Variants in IGFBP5 observed in about 807,000 individuals in gnomAD.
IGFBP5 encodes insulin-like growth factor-binding protein 5.
A neutral mutation model predicts 28.0 loss-of-function variants in IGFBP5; 12 were observed. That is an observed-to-expected ratio of 0.43 (90% CI 0.27 to 0.69). The LOEUF (loss-of-function observed/expected upper bound fraction) is 0.69, where lower values mean the gene tolerates loss of function less well. IGFBP5 is among the 30% of genes least tolerant of loss of function. The pLI is 0.20. For missense variants in IGFBP5, 344 were observed against 381.6 expected, an observed-to-expected ratio of 0.90 and a Z score of 0.82; for synonymous variants, 152 against 150.2, an observed-to-expected ratio of 1.01 and a Z score of -0.09.
chr2:216,683,093 T>C (rs1451756490), intron 1 of IGFBP5, among the ~76,000 whole-genome samples: 2 of 151,682 alleles, frequency 1.3e-5, no homozygotes, highest in Non-Finnish European at 2.9e-5. Context: ...CCAAGGTGAG[T>C]GGATTGCCTG....
At chr2:216,688,586 G>A (rs1022325690) in intron 1 of IGFBP5, among the ~76,000 whole-genome samples, 1 of 152,152 alleles carries the variant, frequency 6.6e-6, no homozygotes, top group African/African-American at 2.4e-5. Flanking sequence ...TGGCTGAGGT[G>A]ACAGAGGGGT....
intron 1 of IGFBP5, among the ~76,000 whole-genome samples, chr2:216,680,503 G>T (rs1191651565): frequency 6.6e-6 from 1 of 152,198 alleles, no homozygotes; most frequent in Non-Finnish European, 1.5e-5. Flanking sequence ...GCAAGTTCCA[G>T]GTGTGAGTTA....
rs2241198 is a variant in IGFBP5, at chr2:216,674,345, G to T, written c.*2406C>A. The T allele has an allele frequency of 0.059, 9,009 of 153,442 alleles. 376 individuals carry two copies. Among genetic ancestry groups the T allele is most frequent in the African/African-American group, 0.11 (4,428 of 41,522 alleles). The allele number at this position is 153,442 out of a possible 1,614,324, so 9.5% of individuals were successfully genotyped here. ...GGGCATGCTGACTCGGCAGGTCAAG[G>T]CCTTGTGGCTGCTGGCCCTATCGGG... On this transcript the variant is annotated 3_prime_UTR_variant, in exon 4 of 4. Coordinates refer to ENST00000233813, the MANE Select transcript of IGFBP5 (RefSeq NM_000599.4). This position sits in a 1 kb window ranked among gnomAD's most constrained non-coding sequence, Gnocchi z 4.4.
At chr2:216,676,959 T>C in intron 3 of IGFBP5, 77 bp from the exon 4 acceptor site, 1 of 1,522,140 alleles carries the variant, frequency 6.6e-7, no homozygotes, top group South Asian at 1.2e-5. Context: ...GCCTCTTGTC[T>C]ACCCCAAGGC....
rs746424394 is a variant in IGFBP5 at position 216,679,012 on chromosome 2, C to G, written c.405G>C (p.Lys135Asn). Residue 135 changes from lysine to asparagine, a missense_variant, in exon 2 of 4, where the codon AAG becomes AAC. By Grantham distance (94) the Lys-to-Asn change is moderately conservative. Around this residue, in one of 3 missense-constraint regions of IGFBP5, gnomAD observed 304 missense variants for 329.2 expected, o/e 0.92. Coordinates refer to ENST00000233813, the MANE Select transcript of IGFBP5 (RefSeq NM_000599.4). The surrounding 1 kb of genome is among the most constrained non-coding windows in gnomAD (Gnocchi z 4.6). ...SEMAEETYSP[K>N]IFRPKHTRIS... ...TGCGGGTGTGTTTGGGCCGGAAGAT[C>G]TTGGGGGAGTAGGTCTCCTCGGCCA... is the stretch of plus-strand genomic sequence containing the variant. The G allele has an allele frequency of 6.2e-7, 1 of 1,613,984 alleles. No individual in the cohort carries two copies. The highest frequency in any genetic ancestry group is 2.2e-5 in the East Asian group (1 of 44,854).
At chr2:216,689,316 C>T (rs1689066539) in intron 1 of IGFBP5, among the ~76,000 whole-genome samples, 1 of 152,222 alleles carries the variant, frequency 6.6e-6, no homozygotes, top group Admixed American at 6.5e-5. Flanking sequence ...GGGGTGAACA[C>T]CCCTCCTTCA....
At chr2:216,682,869 C>T (rs567220710) in intron 1 of IGFBP5, among the ~76,000 whole-genome samples, 12 of 152,122 alleles carry the variant, frequency 7.9e-5, no homozygotes, top group Admixed American at 3.3e-4. Flanking sequence ...CCACCATGCC[C>T]GGCTAATTTT....
At position 216,685,436 on chromosome 2, in the gene IGFBP5, A is replaced by T. The variant is rs1689023345; in HGVS notation, c.338-6357T>A. 2.0e-5 allele frequency among the ~76,000 whole-genome samples: 3 copies of T among 152,302 alleles called. No individual in the cohort carries two copies. In the South Asian group the frequency reaches 6.2e-4, roughly 32 times the overall value. The stretch of plus-strand genomic sequence containing the variant: ...ATTGCAGACCTGCAACGCTTCCATC[A>T]TTGCAGAAAGTCCTGGTCAGTGCTG... On this transcript the variant is annotated intron_variant, in intron 1 of 3. Transcript: ENST00000233813.
Position 216,694,746 on chromosome 2 carries a change from C to A in IGFBP5, c.30G>T (p.Leu10=). 1 of 1,438,704 alleles carries A rather than the reference C, an allele frequency of 7.0e-7. No homozygotes were observed. The highest frequency in any genetic ancestry group is 9.1e-7 in the Non-Finnish European group (1 of 1,100,096). 89.1% of individuals were successfully genotyped at this position (1,438,704 alleles called of 1,614,324 possible). A position where few individuals can be genotyped will look rare whatever the true frequency, so the allele number is the denominator to read the frequency against. MVLLTAVLL[L]LAAYAGPAQS... is the part of the protein sequence containing the mutation. Reference sequence around the variant, plus strand: ...GGGCCGGCCCCGCATAGGCGGCCAGCAGCAGGAGGACCGCGGTGAGCAACA... The same window carrying A: ...GGGCCGGCCCCGCATAGGCGGCCAGAAGCAGGAGGACCGCGGTGAGCAACA... The change falls in exon 1 of 4, where the codon CTG becomes CTT. Residue 10 remains leucine (L), a synonymous_variant. Transcript: ENST00000233813. This position sits in a 1 kb window ranked among gnomAD's most constrained non-coding sequence, Gnocchi z 5.2.
chr2:216,694,457 G>A lies in IGFBP5; in HGVS notation c.319C>T (p.Arg107Cys). 1 of 1,574,724 alleles carries A rather than the reference G, an allele frequency of 6.4e-7. No individual in the cohort carries two copies. The highest frequency in any genetic ancestry group is 1.2e-5 in the South Asian group (1 of 85,434). The stretch of plus-strand genomic sequence containing the variant: ...CGCTCACCGATCTTGACTTGCTCGC[G>A]GTAGCTCTTTTCGTTGAGGCAAACC... ...RGVCLNEKSY[R>C]EQVKIERDSR... Residue 107 changes from arginine (R) to cysteine (C), a missense_variant, in exon 1 of 4, where the codon CGC becomes TGC. Arg to Cys is a radical substitution (Grantham distance 180, BLOSUM62 -3). Coordinates refer to ENST00000233813, the MANE Select transcript of IGFBP5 (RefSeq NM_000599.4). The surrounding 1 kb of genome is among the most constrained non-coding windows in gnomAD (Gnocchi z 5.2).
intron 1 of IGFBP5, among the ~76,000 whole-genome samples, chr2:216,690,083 C>G (rs188623034): frequency 3.3e-5 from 5 of 152,080 alleles, no homozygotes; most frequent in Non-Finnish European, 4.4e-5. Flanking sequence ...GGAGTAGAAG[C>G]CTACACTGCC....
At position 216,676,697 on chromosome 2, in the gene IGFBP5, T is replaced by C. The variant is rs544719120; in HGVS notation, c.*54A>G. The C allele has an allele frequency of 4.2e-5, 44 of 1,036,072 alleles. 1 individual carries two copies. The South Asian group carries it at 6.5e-4, about 15-fold the overall frequency. 64.2% of individuals were successfully genotyped at this position (1,036,072 alleles called of 1,614,324 possible). A position where few individuals can be genotyped will look rare whatever the true frequency, so the allele number is the denominator to read the frequency against. On this transcript the variant is annotated 3_prime_UTR_variant, in exon 4 of 4. Transcript: ENST00000233813. ...TCCTGGGGTGGAGGGAGGCGCTGGC[T>C]GGAGTCGGGGCTGGGGGTGGGAGGG...
intron 1 of IGFBP5, among the ~76,000 whole-genome samples, chr2:216,688,165 A>G (rs1411010573): frequency 2.6e-5 from 4 of 151,944 alleles, no homozygotes; most frequent in African/African-American, 9.7e-5. Context: ...AAAAACAGAT[A>G]CTCAACTCAG....
At position 216,692,519 on chromosome 2, in the gene IGFBP5, G is replaced by C. The variant is rs556673289; in HGVS notation, c.337+1920C>G. ...AAATAATAAGTGGAGCCAGGATGCG[G>C]CTGAGTGACACCTTACGTTCTTTCG... On this transcript the variant is annotated intron_variant, in intron 1 of 3. Transcript: ENST00000233813. This position sits in a 1 kb window ranked among gnomAD's most constrained non-coding sequence, Gnocchi z 4.2. Among the ~76,000 whole-genome samples the C allele has an allele frequency of 5.3e-5, 8 of 152,268 alleles. No homozygotes were observed. In the South Asian group the frequency reaches 1.7e-3, roughly 32 times the overall value.
At chr2:216,685,424 A>T (rs1689023238) in intron 1 of IGFBP5, among the ~76,000 whole-genome samples, 1 of 152,206 alleles carries the variant, frequency 6.6e-6, no homozygotes. Context: ...GCAGACCTGC[A>T]ACGCTTCCAT....
At chr2:216,691,690 C>G (rs183559416) in intron 1 of IGFBP5, among the ~76,000 whole-genome samples, 9 of 152,182 alleles carry the variant, frequency 5.9e-5, no homozygotes, top group Middle Eastern at 6.9e-3. Flanking sequence ...GAGGCTTTGG[C>G]TGCCTGCCAC....
At position 216,694,869 on chromosome 2, in the gene IGFBP5, TTTTG is replaced by T; in HGVS notation, c.-98_-95del. 1.1e-6 allele frequency: 1 copy of T among 888,548 alleles called. No individual in the cohort carries two copies. Among genetic ancestry groups the T allele is most frequent in the Non-Finnish European group, 1.5e-6 (1 of 663,006 alleles). 55.0% of individuals were successfully genotyped at this position (888,548 alleles called of 1,614,324 possible). ...AGAGGGCCCCCGGAGATTTTTTTGTTTTTGTTTTTGTTTTAAAATTTCTGGCAGG... is the reference window on the plus strand; with the variant it reads ...AGAGGGCCCCCGGAGATTTTTTTGTTTTTTTGTTTTAAAATTTCTGGCAGG... On this transcript the variant is annotated 5_prime_UTR_variant, in exon 1 of 4. Transcript: ENST00000233813. This position sits in a 1 kb window ranked among gnomAD's most constrained non-coding sequence, Gnocchi z 5.2.
At chr2:216,687,723 G>C (rs944217749) in intron 1 of IGFBP5, among the ~76,000 whole-genome samples, 1 of 152,184 alleles carries the variant, frequency 6.6e-6, no homozygotes, top group Non-Finnish European at 1.5e-5. Context: ...GTGGGGAGCA[G>C]CCTCTGGAGG....
chr2:216,681,141 T>C (rs546126348), intron 1 of IGFBP5, among the ~76,000 whole-genome samples: 1 of 152,252 alleles, frequency 6.6e-6, no homozygotes, highest in South Asian at 2.1e-4. Context: ...AAGGCTCAGA[T>C]CTTGGAGAAG....
Sources: allele counts gnomAD v4.1 joint callset (sites outside exome capture counted in the v4.1 genomes callset), GRCh38; gene constraint gnomAD v4.1.1; regional missense constraint gnomAD v4.1.1; non-coding constraint Gnocchi (gnomAD v3.1); transcripts MANE v1.5; gene names NCBI Gene and HGNC (gene_info 2026-07-23, HGNC 2026-07-21).